OGDH: variants seen among roughly 807,000 people sequenced by gnomAD.
OGDH encodes the protein oxoglutarate dehydrogenase, also known as 2-oxoglutarate dehydrogenase complex component E1.
OGDH carries 38 observed loss-of-function variants against 116.6 expected under a neutral mutation model. The ratio of observed to expected loss-of-function variants is 0.33; its 90% CI spans 0.25 to 0.43. The LOEUF is 0.43. OGDH is among the 20% of genes least tolerant of loss of function. The pLI, the probability that OGDH is intolerant of heterozygous loss-of-function variation, is 1.00. For synonymous variants in OGDH, 488 were observed against 533.3 expected (o/e 0.92, Z 1.17); for missense variants, 825 against 1,357.2 (o/e 0.61, Z 6.16).
chr7:44,666,647 G>A (rs1787196994), intron 4 of OGDH, 89 bp from the exon 5 acceptor site: 2 of 574,298 alleles, frequency 3.5e-6, no homozygotes, highest in South Asian at 7.7e-5. Flanking sequence ...CACCTGGGGA[G>A]TTCCTTCCCC....
At chr7:44,615,297 G>A (rs189353161) in intron 1 of OGDH, among the ~76,000 whole-genome samples, 3 of 152,120 alleles carry the variant, frequency 2.0e-5, no homozygotes, top group Non-Finnish European at 4.4e-5. Context: ...TGCGGTGTCT[G>A]GGGGGAGGGA....
chr7:44,618,728 G>A (rs912163562), intron 1 of OGDH, among the ~76,000 whole-genome samples: 4 of 152,116 alleles, frequency 2.6e-5, no homozygotes, highest in African/African-American at 4.8e-5. Context: ...CCCAAGGGAG[G>A]CCATAGAAAC....
At chr7:44,680,263 C>G (rs1405399385) in intron 9 of OGDH, among the ~76,000 whole-genome samples, 2 of 151,970 alleles carry the variant, frequency 1.3e-5, no homozygotes, top group Non-Finnish European at 2.9e-5. Context: ...CTCTCTCTCC[C>G]TCTTCCTCTT....
intron 10 of OGDH, among the ~76,000 whole-genome samples, chr7:44,686,978 C>T (rs1468859643): frequency 2.0e-5 from 3 of 149,618 alleles, no homozygotes; most frequent in Admixed American, 1.3e-4. Flanking sequence ...TGAGCCACCA[C>T]ACCCGGCCAT....
At chr7:44,616,790 T>G (rs1480386620) in intron 1 of OGDH, among the ~76,000 whole-genome samples, 2 of 114,082 alleles carry the variant, frequency 1.8e-5, no homozygotes, top group Non-Finnish European at 3.7e-5. Context: ...TATGCATATA[T>G]ATATGTGTAT....
At chr7:44,699,233 C>T (rs1197893978) in intron 18 of OGDH, among the ~76,000 whole-genome samples, 1 of 152,090 alleles carries the variant, frequency 6.6e-6, no homozygotes, top group African/African-American at 2.4e-5. Flanking sequence ...TGAGACCACC[C>T]TGGCCAATAT....
intron 2 of OGDH, among the ~76,000 whole-genome samples, chr7:44,631,230 A>G (rs1218166765): frequency 6.6e-6 from 1 of 152,236 alleles, no homozygotes; most frequent in Non-Finnish European, 1.5e-5. Flanking sequence ...GACTGTATAC[A>G]TAAACTGCAT....
chr7:44,613,560 C>T lies in OGDH; in HGVS notation c.-28+6907C>T, dbSNP rs148247114. ...ATTTTTAGTAGAGATGGGGTTTCACCGTGTTAGCCAGGATGGTCTCAATCT... is the reference window on the plus strand; with the variant it reads ...ATTTTTAGTAGAGATGGGGTTTCACTGTGTTAGCCAGGATGGTCTCAATCT... On this transcript the variant is annotated intron_variant, in intron 1 of 22. Transcript: ENST00000222673. 7.6e-3 allele frequency among the ~76,000 whole-genome samples: 1,161 copies of T among 152,024 alleles called. 14 individuals are homozygous for T. Among genetic ancestry groups the T allele is most frequent in the African/African-American group, 0.027 (1,113 of 41,492 alleles).
At chr7:44,619,624 C>G (rs1453102213) in intron 1 of OGDH, among the ~76,000 whole-genome samples, 1 of 152,178 alleles carries the variant, frequency 6.6e-6, no homozygotes, top group Non-Finnish European at 1.5e-5. Flanking sequence ...ACACGTTTTG[C>G]TTATCCATTC....
chr7:44,616,713 TTATG>T (rs1257051904), intron 1 of OGDH, among the ~76,000 whole-genome samples: 1 of 139,750 alleles, frequency 7.2e-6, no homozygotes, highest in Non-Finnish European at 1.5e-5. Context: ...ACACACATGT[TTATG>T]TATATATACA....
intron 2 of OGDH, among the ~76,000 whole-genome samples, chr7:44,635,498 G>T (rs995943972): frequency 6.6e-6 from 1 of 152,084 alleles, no homozygotes. Flanking sequence ...GGGTAGCTAC[G>T]TGGGTGGGCT....
At chr7:44,634,377 C>A (rs1275225408) in intron 2 of OGDH, among the ~76,000 whole-genome samples, 2 of 152,210 alleles carry the variant, frequency 1.3e-5, no homozygotes, top group Non-Finnish European at 2.9e-5. Context: ...CACTGGACAG[C>A]CCTCCACAGC....
At position 44,708,657 on chromosome 7, in the gene OGDH, C is replaced by A. The variant is rs1015949146; in HGVS notation, c.*658C>A. On this transcript the variant is annotated 3_prime_UTR_variant, in exon 23 of 23. Coordinates refer to ENST00000222673, the MANE Select transcript of OGDH (RefSeq NM_002541.4). Reference sequence around the variant, plus strand: ...GGGGCCCAAGCATGCCCCACCCACCCCTCCTGGGCCCAGGCAGCACCTGGA... The same window carrying A: ...GGGGCCCAAGCATGCCCCACCCACCACTCCTGGGCCCAGGCAGCACCTGGA... 6.6e-6 allele frequency: 1 copy of A among 152,258 alleles called. No homozygotes were observed. The highest frequency in any genetic ancestry group is 2.4e-5 in the African/African-American group (1 of 41,444). The allele number at this position is 152,258 out of a possible 1,614,324, so 9.4% of individuals were successfully genotyped here.
chr7:44,685,784 A>AT (rs1011512592), intron 10 of OGDH, among the ~76,000 whole-genome samples: 140 of 146,918 alleles, frequency 9.5e-4, no homozygotes, highest in South Asian at 3.7e-3. Flanking sequence ...ATGCCCAGCT[A>AT]TTTTTTTTTT....
At chr7:44,642,458 G>C (rs931375616) in intron 2 of OGDH, among the ~76,000 whole-genome samples, 26 of 151,994 alleles carry the variant, frequency 1.7e-4, no homozygotes, top group African/African-American at 6.3e-4. Flanking sequence ...AAAGTTTGCA[G>C]CCTTTTTTCA....
intron 9 of OGDH, among the ~76,000 whole-genome samples, chr7:44,681,044 G>A (rs1224403807): frequency 2.0e-5 from 3 of 152,212 alleles, no homozygotes; most frequent in Non-Finnish European, 4.4e-5. Context: ...AGGAGTAATC[G>A]AAACTGGTGT....
intron 5 of OGDH, among the ~76,000 whole-genome samples, chr7:44,671,987 T>C (rs1215197689): frequency 6.6e-6 from 1 of 151,958 alleles, no homozygotes; most frequent in Non-Finnish European, 1.5e-5. Flanking sequence ...GAGAATGGTG[T>C]GAACCCAGGA....
intron 5 of OGDH, among the ~76,000 whole-genome samples, chr7:44,670,539 T>C (rs963529660): frequency 1.3e-5 from 2 of 152,278 alleles, no homozygotes; most frequent in East Asian, 3.9e-4. Context: ...TGTAGTTTCT[T>C]CTGCTGGTCA....
At chr7:44,627,657 A>G (rs1470423865) in intron 2 of OGDH, among the ~76,000 whole-genome samples, 2 of 151,710 alleles carry the variant, frequency 1.3e-5, no homozygotes, top group Non-Finnish European at 2.9e-5. Context: ...CTACTTTCCC[A>G]TTGTTGTTTT....
Sources: gnomAD v4.1 joint callset for allele counts (sites outside exome capture counted in the v4.1 genomes callset) on GRCh38, gnomAD v4.1.1 for gene constraint, MANE v1.5 for transcripts, NCBI Gene and HGNC (gene_info 2026-07-23, HGNC 2026-07-21) for gene names.